The following ARHGAP10 variants were observed in gnomAD, a reference collection of about 807,000 sequenced individuals.
ARHGAP10 encodes Rho GTPase activating protein 10, also known as rho GTPase-activating protein 10.
In ARHGAP10, 87 loss-of-function variants were observed where a neutral mutation model predicts 108.6. The observed-to-expected ratio is 0.80, with a 90% CI of 0.67 to 0.96. The LOEUF (loss-of-function observed/expected upper bound fraction) is 0.96. Among genes scored for constraint, ARHGAP10 ranks in the 40% least tolerant of loss-of-function variants. ARHGAP10 has a pLI of 0.00. For missense variants in ARHGAP10, 939 were observed against 954.5 expected (o/e 0.98, Z 0.21); for synonymous variants, 347 against 341.1 (o/e 1.02, Z -0.19).
chr4:147,922,172 A>G (rs1488997408), intron 13 of ARHGAP10, among the ~76,000 whole-genome samples: 1 of 152,102 alleles, frequency 6.6e-6, no homozygotes, highest in Non-Finnish European at 1.5e-5. Flanking sequence ...GATGATGGAA[A>G]CAGTGTGATA....
At chr4:148,033,693 GT>G (rs1728251197) in intron 19 of ARHGAP10, among the ~76,000 whole-genome samples, 2 of 152,164 alleles carry the variant, frequency 1.3e-5, no homozygotes, top group Non-Finnish European at 2.9e-5. Flanking sequence ...ATACTAGTGT[GT>G]TGGGTATATG....
At chr4:148,044,850 G>A (rs185765988) in intron 19 of ARHGAP10, among the ~76,000 whole-genome samples, 4 of 152,340 alleles carry the variant, frequency 2.6e-5, no homozygotes, top group Non-Finnish European at 5.9e-5. Flanking sequence ...TGGTCTACCA[G>A]TGGGTTTTGG....
At chr4:147,738,554 C>G (rs908144198) in intron 1 of ARHGAP10, among the ~76,000 whole-genome samples, 3 of 150,690 alleles carry the variant, frequency 2.0e-5, no homozygotes, top group Non-Finnish European at 4.4e-5. Flanking sequence ...CTCTGTCTCC[C>G]CCCCCCAAAA....
intron 13 of ARHGAP10, among the ~76,000 whole-genome samples, chr4:147,930,088 C>A (rs952626955): frequency 2.6e-5 from 4 of 152,174 alleles, no homozygotes; most frequent in Non-Finnish European, 5.9e-5. Flanking sequence ...ATGATTCAGT[C>A]CCTCCACAAA....
At chr4:147,756,003 C>T (rs1197806520) in intron 1 of ARHGAP10, among the ~76,000 whole-genome samples, 11 of 150,766 alleles carry the variant, frequency 7.3e-5, no homozygotes, top group Non-Finnish European at 1.5e-4. Flanking sequence ...TTTTTTCTGT[C>T]ACATAATAAG....
At chr4:147,911,802 C>T (rs1236498338) in intron 12 of ARHGAP10, among the ~76,000 whole-genome samples, 3 of 151,980 alleles carry the variant, frequency 2.0e-5, no homozygotes, top group African/African-American at 7.3e-5. Context: ...TATGAATCAT[C>T]TGTTTTAAAT....
At chr4:147,790,265 A>C (rs142404080) in intron 1 of ARHGAP10, among the ~76,000 whole-genome samples, 1 of 152,284 alleles carries the variant, frequency 6.6e-6, no homozygotes, top group East Asian at 1.9e-4. Context: ...CAATAATTCC[A>C]TAAGGTGGGC....
chr4:147,831,756 A>G (rs1732960052), intron 3 of ARHGAP10, among the ~76,000 whole-genome samples: 1 of 152,204 alleles, frequency 6.6e-6, no homozygotes, highest in South Asian at 2.1e-4. Context: ...TCAGGAATGT[A>G]CCGTTTGAGA....
At chr4:147,985,185 T>A (rs925432290) in intron 18 of ARHGAP10, among the ~76,000 whole-genome samples, 1 of 151,910 alleles carries the variant, frequency 6.6e-6, no homozygotes, top group Non-Finnish European at 1.5e-5. Flanking sequence ...AGGGTAGCTC[T>A]GGCTGCAGAT....
intron 1 of ARHGAP10, among the ~76,000 whole-genome samples, chr4:147,747,963 T>G (rs1361010060): frequency 6.6e-6 from 1 of 152,138 alleles, no homozygotes; most frequent in Non-Finnish European, 1.5e-5. Flanking sequence ...AGGGAGATGC[T>G]ATGGTTTCTA....
intron 13 of ARHGAP10, among the ~76,000 whole-genome samples, chr4:147,913,604 G>A (rs1445155042): frequency 2.0e-5 from 3 of 151,900 alleles, no homozygotes; most frequent in Non-Finnish European, 4.4e-5. Flanking sequence ...TTTACATGTC[G>A]AAGTTTCTTC....
At chr4:148,052,925 G>A (rs1729207668) in intron 20 of ARHGAP10, among the ~76,000 whole-genome samples, 2 of 152,128 alleles carry the variant, frequency 1.3e-5, no homozygotes, top group African/African-American at 4.8e-5. Flanking sequence ...ATTTGAGGGA[G>A]TAGAACCTTT....
intron 7 of ARHGAP10, among the ~76,000 whole-genome samples, chr4:147,869,182 TC>T (rs1734697773): frequency 6.6e-6 from 1 of 152,056 alleles, no homozygotes; most frequent in African/African-American, 2.4e-5. Context: ...AAGCAGAAGC[TC>T]TTCTGAGCGC....
intron 19 of ARHGAP10, among the ~76,000 whole-genome samples, chr4:148,040,253 C>G (rs1728573043): frequency 6.6e-6 from 1 of 152,230 alleles, no homozygotes; most frequent in Non-Finnish European, 1.5e-5. Flanking sequence ...CTCCCAGTCC[C>G]TATTTCCACA....
intron 10 of ARHGAP10, 144 bp from the exon 11 acceptor site, chr4:147,906,494 A>G: frequency 1.4e-6 from 1 of 705,222 alleles, no homozygotes; most frequent in Non-Finnish European, 2.4e-6. Flanking sequence ...TACACTTAAA[A>G]ATCGTTAAGA....
chr4:147,852,868 G>A (rs1256734903), intron 4 of ARHGAP10, among the ~76,000 whole-genome samples: 1 of 151,814 alleles, frequency 6.6e-6, no homozygotes, highest in African/African-American at 2.4e-5. Flanking sequence ...ACAGACATGC[G>A]CCAGCACGCC....
intron 1 of ARHGAP10, among the ~76,000 whole-genome samples, chr4:147,751,508 C>T (rs1028220196): frequency 3.3e-5 from 5 of 151,598 alleles, no homozygotes; most frequent in African/African-American, 9.7e-5. Flanking sequence ...GGATGACAGG[C>T]GCATGCTACC....
intron 18 of ARHGAP10, among the ~76,000 whole-genome samples, chr4:148,006,687 T>C (rs567746240): frequency 1.3e-5 from 2 of 152,346 alleles, no homozygotes; most frequent in East Asian, 3.9e-4. Context: ...AGGGAACATT[T>C]TAAAAAGATT....
In ARHGAP10 at chr4:148,063,193, GTC is replaced by G. The variant is rs769419519; in HGVS notation, c.2076_2077del (p.Pro693AsnfsTer33). 6.2e-6 allele frequency: 10 copies of G among 1,614,052 alleles called. No individual in the cohort carries two copies. The Admixed American group carries it at 8.3e-5, about 13-fold the overall frequency. The stretch of plus-strand genomic sequence containing the variant: ...CTATGGTCCAGTGGCTTAACCCACA[GTC>G]TCCAACCACAACAAGCTCCAACTCA... The part of the protein sequence containing the change: ...SSMVQWLNPQ[S>X]PTTTSSNSAV... On this transcript the variant is annotated frameshift_variant, in exon 21 of 23. Transcript: ENST00000336498. LOFTEE classifies it high-confidence loss of function.
Sources: gnomAD v4.1 joint callset for allele counts (sites outside exome capture counted in the v4.1 genomes callset) on GRCh38, gnomAD v4.1.1 for gene constraint, MANE v1.5 for transcripts, NCBI Gene and HGNC (gene_info 2026-07-23, HGNC 2026-07-21) for gene names.